Variants in OPHN1 observed in about 807,000 individuals in gnomAD.
OPHN1 encodes oligophrenin-1.
Under a neutral mutation model 60.7 loss-of-function variants are expected in OPHN1, and 11 were observed. The ratio of observed to expected loss-of-function variants is 0.18; its 90% CI spans 0.11 to 0.30. The LOEUF is 0.30. OPHN1 is among the 10% of genes least tolerant of loss of function. The probability of loss-of-function intolerance (pLI) is 1.00; values close to 1 mark genes in which losing one functional copy is unlikely to be tolerated. For synonymous variants in OPHN1, 226 were observed against 222.6 expected (o/e 1.02, Z -0.14); for missense variants, 449 against 611.0 (o/e 0.73, Z 2.80).
chrX:68,354,141 A>T, intron 2 of OPHN1, among the ~76,000 whole-genome samples: 1 of 111,120 alleles, frequency 9.0e-6, no homozygotes, highest in Middle Eastern at 4.6e-3. Flanking sequence ...ATTGTTGAGC[A>T]GTGTTTGAGA....
At chrX:68,385,248 C>T (rs950252986) in intron 2 of OPHN1, among the ~76,000 whole-genome samples, 3 of 110,815 alleles carry the variant, frequency 2.7e-5, no homozygotes, top group Non-Finnish European at 5.7e-5. Flanking sequence ...TCAGTAGTTT[C>T]AATCTCAAAG....
intron 2 of OPHN1, among the ~76,000 whole-genome samples, chrX:68,372,467 C>T (rs1465230066): frequency 1.8e-5 from 2 of 111,193 alleles, no homozygotes; most frequent in African/African-American, 6.5e-5. Context: ...ACTGTGTACC[C>T]CTCCAACTCT....
At chrX:68,163,792 C>T (rs528309385) in intron 15 of OPHN1, among the ~76,000 whole-genome samples, 2 of 110,572 alleles carry the variant, frequency 1.8e-5, no homozygotes, top group South Asian at 7.8e-4. Context: ...ATAAGTGTGA[C>T]GTGTATCTCA....
At chrX:68,292,031 A>G (rs2078073015) in intron 3 of OPHN1, among the ~76,000 whole-genome samples, 1 of 111,752 alleles carries the variant, frequency 8.9e-6, no homozygotes, top group Non-Finnish European at 1.9e-5. Context: ...AATGCTATAC[A>G]GGAAGTTCTT....
intron 21 of OPHN1, among the ~76,000 whole-genome samples, chrX:68,063,027 A>G (rs1185414713): frequency 9.0e-6 from 1 of 111,421 alleles, no homozygotes; most frequent in Non-Finnish European, 1.9e-5. Flanking sequence ...GGGTTCACAG[A>G]TTCATAGCTT....
intron 2 of OPHN1, among the ~76,000 whole-genome samples, chrX:68,332,324 CCCA>C (rs1263829656): frequency 9.0e-6 from 1 of 111,003 alleles, no homozygotes; most frequent in East Asian, 2.8e-4. Flanking sequence ...TGGTGAGAAA[CCCA>C]AAGAAAATGT....
At chrX:68,329,718 C>T (rs992754798) in intron 2 of OPHN1, among the ~76,000 whole-genome samples, 8 of 112,125 alleles carry the variant, frequency 7.1e-5, no homozygotes, top group Admixed American at 6.7e-4. Context: ...ATACCTCTAT[C>T]TCCTTGTTAC....
rs1163192446 is a variant in OPHN1, at chrX:68,393,885, G to GTTTTTTTTTTTTT, written c.154+38969_154+38981dup. On this transcript the variant is annotated intron_variant, in intron 2 of 24. Transcript: ENST00000355520. ...CTATCAAGGTGATCCAATAGACTTT[G>GTTTTTTTTTTTTT]TTTTTTTTTTTTTTTTTTTTTTTTT... is the stretch of plus-strand genomic sequence containing the variant. Among the ~76,000 whole-genome samples, 72 of 34,602 alleles carry GTTTTTTTTTTTTT rather than the reference G, an allele frequency of 2.1e-3. 27 individuals are homozygous for GTTTTTTTTTTTTT. Among genetic ancestry groups the GTTTTTTTTTTTTT allele is most frequent in the Non-Finnish European group, 3.1e-3 (62 of 20,296 alleles). 30.0% of individuals were successfully genotyped at this position (34,602 alleles called of 115,157 possible).
intron 2 of OPHN1, among the ~76,000 whole-genome samples, chrX:68,427,089 T>A (rs868029632): frequency 3.0e-4 from 22 of 72,693 alleles, no homozygotes; most frequent in Admixed American, 5.4e-4. Context: ...CCATCTCTAC[T>A]AAAAAAAAAA....
chrX:68,329,329 T>C (rs183635798), intron 2 of OPHN1, among the ~76,000 whole-genome samples: 13 of 112,497 alleles, frequency 1.2e-4, no homozygotes, highest in African/African-American at 3.9e-4. Flanking sequence ...ATCTGTAGTA[T>C]TAACAATGCT....
At chrX:68,065,309 T>C (rs1458007736) in intron 20 of OPHN1, among the ~76,000 whole-genome samples, 6 of 111,273 alleles carry the variant, frequency 5.4e-5, no homozygotes, top group African/African-American at 2.0e-4. Flanking sequence ...AAGGAATCAC[T>C]GTTTTGTTTT....
intron 15 of OPHN1, among the ~76,000 whole-genome samples, chrX:68,131,190 TTTTATTTATTTA>T (rs60984024): frequency 7.9e-4 from 78 of 98,494 alleles, no homozygotes; most frequent in Middle Eastern, 5.1e-3. Flanking sequence ...CAAAGAACAC[TTTTATTTATTTA>T]TTTATTTATT....
At chrX:68,277,956 G>A (rs2078000329) in intron 4 of OPHN1, among the ~76,000 whole-genome samples, 1 of 112,165 alleles carries the variant, frequency 8.9e-6, no homozygotes, top group African/African-American at 3.2e-5. Context: ...AGAGTTGCTG[G>A]CTTTTCATGC....
intron 6 of OPHN1, among the ~76,000 whole-genome samples, chrX:68,230,271 C>T: frequency 9.0e-6 from 1 of 111,361 alleles, no homozygotes; most frequent in Non-Finnish European, 1.9e-5. Flanking sequence ...ACAACAGGTG[C>T]TGGAGAGGAT....
At chrX:68,277,131 A>G (rs2077995317) in intron 4 of OPHN1, among the ~76,000 whole-genome samples, 2 of 112,344 alleles carry the variant, frequency 1.8e-5, no homozygotes, top group African/African-American at 6.5e-5. Context: ...ATCATGGAAG[A>G]CAATTTTTCA....
chrX:68,165,880 A>C (rs1027130329), intron 15 of OPHN1, among the ~76,000 whole-genome samples: 1 of 112,469 alleles, frequency 8.9e-6, no homozygotes, highest in African/African-American at 3.2e-5. Context: ...ATAAATCAGT[A>C]TGATAAAATT....
At chrX:68,361,212 T>C (rs895777641) in intron 2 of OPHN1, 4 of 111,555 alleles carry the variant, frequency 3.6e-5, no homozygotes, top group African/African-American at 1.3e-4. Flanking sequence ...CCAGGCACAG[T>C]GGCTCACACC....
At chrX:68,238,971 G>A (rs888014292) in intron 5 of OPHN1, among the ~76,000 whole-genome samples, 1 of 111,570 alleles carries the variant, frequency 9.0e-6, no homozygotes, top group Non-Finnish European at 1.9e-5. Context: ...TCTGTATCCC[G>A]GGTTCTTGCC....
intron 2 of OPHN1, among the ~76,000 whole-genome samples, chrX:68,313,823 A>G (rs976877720): frequency 2.7e-5 from 3 of 111,571 alleles, no homozygotes; most frequent in African/African-American, 9.8e-5. Context: ...TTTATTGTAT[A>G]TTTTAAAATA....
Sources: gnomAD v4.1 joint callset for allele counts (sites outside exome capture counted in the v4.1 genomes callset) on GRCh38, gnomAD v4.1.1 for gene constraint, MANE v1.5 for transcripts, NCBI Gene and HGNC (gene_info 2026-07-23, HGNC 2026-07-21) for gene names.